Variants in KLF13 observed in about 807,000 individuals in gnomAD.
KLF13 encodes Krueppel-like factor 13.
KLF13 carries 8 observed loss-of-function variants against 16.7 expected under a neutral mutation model. That is an observed-to-expected ratio of 0.48 (90% CI 0.28 to 0.87). KLF13 has a LOEUF of 0.87. Among genes scored for constraint, KLF13 ranks in the 40% least tolerant of loss-of-function variants. KLF13 has a pLI of 0.10. For synonymous variants in KLF13, 245 were observed against 208.4 expected (o/e 1.18, Z -1.51); for missense variants, 447 against 452.2 (o/e 0.99, Z 0.10).
At chr15:31,346,954 T>G (rs2039132646) in intron 1 of KLF13, among the ~76,000 whole-genome samples, 1 of 152,082 alleles carries the variant, frequency 6.6e-6, no homozygotes, top group Non-Finnish European at 1.5e-5. Flanking sequence ...GTCCTGAGTC[T>G]GGGGGCAGGA....
intron 1 of KLF13, among the ~76,000 whole-genome samples, chr15:31,417,104 C>G (rs2040264295): frequency 6.6e-6 from 1 of 152,186 alleles, no homozygotes; most frequent in Non-Finnish European, 1.5e-5. Context: ...CCTTCTACCA[C>G]ATTATGAAGC....
chr15:31,385,904 G>A (rs1022929398), intron 1 of KLF13, among the ~76,000 whole-genome samples: 4 of 152,250 alleles, frequency 2.6e-5, no homozygotes, highest in African/African-American at 9.6e-5. Context: ...GGTGAGGTAG[G>A]CTGTGCCAAG....
chr15:31,364,849 C>T (rs2039441489), intron 1 of KLF13, among the ~76,000 whole-genome samples: 1 of 152,224 alleles, frequency 6.6e-6, no homozygotes, highest in Admixed American at 6.5e-5. Context: ...CTTAATAAAC[C>T]ACTAACATTT....
intron 1 of KLF13, among the ~76,000 whole-genome samples, chr15:31,410,296 A>G (rs1234213481): frequency 1.3e-5 from 2 of 152,098 alleles, no homozygotes; most frequent in African/African-American, 2.4e-5. Context: ...AAAAGTCTTC[A>G]GCAACCCAAA....
At position 31,327,758 on chromosome 15, in the gene KLF13, G is replaced by A. The variant is rs1169442492; in HGVS notation, c.546G>A (p.Ser182=). The change falls in exon 1 of 2, where the codon TCG becomes TCA. Residue 182 remains serine (S), a synonymous_variant. Coordinates refer to ENST00000307145, the MANE Select transcript of KLF13 (RefSeq NM_015995.4). ...GCGAGAAAGTTTACGGGAAATCTTC[G>A]CACCTCAAGGCGCACCTGAGAACTC... ...AGCEKVYGKS[S]HLKAHLRTHT... is the part of the protein sequence containing the mutation. 1 of 1,530,902 alleles carries A rather than the reference G, an allele frequency of 6.5e-7. No individual in the cohort carries two copies. 94.8% of individuals were successfully genotyped at this position (1,530,902 alleles called of 1,614,324 possible).
rs2040356454 is a variant in KLF13, at chr15:31,423,133, G to GTATACA, written n.118-12232_118-12231insATATAC. On this transcript the variant is annotated intron_variant and non_coding_transcript_variant, in intron 1 of 1. Coordinates refer to the KLF13 transcript ENST00000558225. ...TATACGTATATATACGTATATATACGTATACGTATACGTATATATACGTAT... is the reference window on the plus strand; with the variant it reads ...TATACGTATATATACGTATATATACGTATACATATACGTATACGTATATATACGTAT... 2.2e-4 allele frequency among the ~76,000 whole-genome samples: 21 copies of GTATACA among 95,636 alleles called. 4 individuals carry two copies. Among genetic ancestry groups the GTATACA allele is most frequent in the African/African-American group, 1.2e-3 (19 of 15,438 alleles). 62.7% of individuals were successfully genotyped at this position (95,636 alleles called of 152,430 possible).
intron 1 of KLF13, among the ~76,000 whole-genome samples, chr15:31,360,401 C>T (rs141650350): frequency 6.6e-6 from 1 of 152,302 alleles, no homozygotes; most frequent in East Asian, 1.9e-4. Context: ...ACTTAGGCTG[C>T]GACAAGCCTG....
chr15:31,393,761 C>G (rs2140985500), intron 2 of KLF13: 1 of 152,474 alleles, frequency 6.6e-6, no homozygotes, highest in South Asian at 2.1e-4. Flanking sequence ...GTTCTGAGTG[C>G]TGGACCTGTA....
intron 1 of KLF13, among the ~76,000 whole-genome samples, chr15:31,415,219 C>T (rs974306581): frequency 7.9e-5 from 12 of 152,128 alleles, no homozygotes; most frequent in African/African-American, 2.9e-4. Flanking sequence ...TCTTGTAAAG[C>T]CTGCAGAACC....
chr15:31,423,242 AAGGGACAAATAGGC>A (rs1237104611), intron 1 of KLF13, among the ~76,000 whole-genome samples: 6 of 145,974 alleles, frequency 4.1e-5, no homozygotes, highest in Non-Finnish European at 7.5e-5. Context: ...GAAAGAATTG[AAGGGACAAATAGGC>A]AGTAACACAG....
chr15:31,367,310 A>C (rs1320395798), intron 1 of KLF13, among the ~76,000 whole-genome samples: 1 of 152,192 alleles, frequency 6.6e-6, no homozygotes, highest in African/African-American at 2.4e-5. Context: ...GGAGGAGCAG[A>C]GAATGGAGCC....
chr15:31,424,332 C>A (rs57499356), intron 1 of KLF13, among the ~76,000 whole-genome samples: 18,758 of 152,036 alleles, frequency 0.12, 3,380 homozygotes, highest in African/African-American at 0.4. Flanking sequence ...AAAATACTAG[C>A]AAACCAAATT....
Position 31,386,839 on chromosome 15 carries a change from C to G in KLF13, n.224-48531C>G, listed in dbSNP as rs146318162. 2.8e-4 allele frequency among the ~76,000 whole-genome samples: 43 copies of G among 152,346 alleles called. No individual in the cohort carries two copies. The East Asian group carries it at 8.3e-3, about 29-fold the overall frequency. ...AAATCCTGGGACCATTAAAAATACA[C>G]TAAATCTACTCTGCCTATGCTCTAG... On this transcript the variant is annotated intron_variant and non_coding_transcript_variant, in intron 1 of 1. Transcript: ENST00000558921.
intron 1 of KLF13, among the ~76,000 whole-genome samples, chr15:31,333,827 C>T (rs544439789): frequency 2.6e-5 from 4 of 152,196 alleles, no homozygotes; most frequent in Non-Finnish European, 4.4e-5. Flanking sequence ...AGGCCCAAAG[C>T]CAGTTGTCTT....
rs1555380284 is a variant in KLF13 at position 31,397,880 on chromosome 15, G to GGGGGT, written n.529+4191_529+4192insGGTGG. 2.2e-4 allele frequency among the ~76,000 whole-genome samples: 32 copies of GGGGGT among 146,464 alleles called. 1 individual carries two copies. The highest frequency in any genetic ancestry group is 8.7e-4 in the African/African-American group (32 of 36,976). On this transcript the variant is annotated intron_variant and non_coding_transcript_variant, in intron 2 of 2. Transcript: ENST00000500533. ...TGGTCTTTGGGGGTGGCGGCGGGGG[G>GGGGGT]GGTGGTGATCCACTCTCCCTGGGGA...
Position 31,423,157 on chromosome 15 carries a change from ATATATATG to A in KLF13, n.118-12205_118-12198del, listed in dbSNP as rs2040361017. ...CGTATACGTATACGTATATATACGT[ATATATATG>A]TATATATATACATATATACGTATAT... On this transcript the variant is annotated intron_variant and non_coding_transcript_variant, in intron 1 of 1. Transcript: ENST00000558225. Among the ~76,000 whole-genome samples the A allele has an allele frequency of 1.7e-5, 2 of 116,826 alleles. 1 individual carries two copies. The highest frequency in any genetic ancestry group is 8.8e-5 in the African/African-American group (2 of 22,692). The allele number at this position is 116,826 out of a possible 152,430, so 76.6% of individuals were successfully genotyped here.
At chr15:31,338,993 T>G (rs2038979477) in intron 1 of KLF13, among the ~76,000 whole-genome samples, 1 of 152,120 alleles carries the variant, frequency 6.6e-6, no homozygotes, top group Non-Finnish European at 1.5e-5. Flanking sequence ...CTGTAGCTGC[T>G]CATCCTGGGA....
chr15:31,359,080 A>G (rs2039342955), intron 1 of KLF13, among the ~76,000 whole-genome samples: 1 of 152,226 alleles, frequency 6.6e-6, no homozygotes, highest in Admixed American at 6.5e-5. Flanking sequence ...GTCCACAGGT[A>G]GCACCGTTCA....
At chr15:31,334,334 C>G (rs1246602544) in intron 1 of KLF13, among the ~76,000 whole-genome samples, 1 of 152,194 alleles carries the variant, frequency 6.6e-6, no homozygotes, top group Non-Finnish European at 1.5e-5. Context: ...CGGCGGGTGA[C>G]ACTCTCTAAG....
Sources: gnomAD v4.1 joint callset for allele counts (sites outside exome capture counted in the v4.1 genomes callset) on GRCh38, gnomAD v4.1.1 for gene constraint, MANE v1.5 for transcripts, NCBI Gene and HGNC (gene_info 2026-07-23, HGNC 2026-07-21) for gene names.